PSMD9: variants seen among roughly 807,000 people sequenced by gnomAD.
PSMD9 encodes 26S proteasome non-ATPase regulatory subunit 9.
In PSMD9, 26 loss-of-function variants were observed where a neutral mutation model predicts 25.9. The observed-to-expected ratio is 1.00, with a 90% CI of 0.73 to 1.39. The LOEUF (loss-of-function observed/expected upper bound fraction) is 1.39, where lower values mean the gene tolerates loss of function less well. PSMD9 is among the 40% of genes most tolerant of loss of function. The pLI is 0.00. For synonymous variants in PSMD9, 110 were observed against 114.5 expected (o/e 0.96, Z 0.25); for missense variants, 303 against 299.3 (o/e 1.01, Z -0.09).
At chr12:121,910,433 T>C (rs982593217) in intron 4 of PSMD9, among the ~76,000 whole-genome samples, 3 of 151,812 alleles carry the variant, frequency 2.0e-5, no homozygotes, top group African/African-American at 4.8e-5. Flanking sequence ...ACCTGACATA[T>C]TTATTTTTTT....
chr12:121,911,994 G>A (rs1879736382), intron 4 of PSMD9, among the ~76,000 whole-genome samples: 1 of 149,428 alleles, frequency 6.7e-6, no homozygotes, highest in African/African-American at 2.5e-5. Flanking sequence ...CCAGGTTTCT[G>A]GAATGAGCTT....
rs781519268 is a variant in PSMD9 at position 121,915,888 on chromosome 12, G to A, written c.588G>A (p.Gly196=). 7 of 1,613,812 alleles carry A rather than the reference G, an allele frequency of 4.3e-6. No individual in the cohort carries two copies. In the South Asian group the frequency reaches 6.6e-5, roughly 15 times the overall value. The change falls in exon 5 of 6, where the codon GGG becomes GGA. Residue 196 remains glycine, a synonymous_variant. Transcript: ENST00000541212. ...KPLNVTVIRR[G]EKHQLRLVPT... is the part of the protein sequence containing the mutation. Reference sequence around the variant, plus strand: ...TGAATGTGACAGTGATCCGCAGGGGGGAAAAACACCAGCTTAGACTTGTTC... The same window carrying A: ...TGAATGTGACAGTGATCCGCAGGGGAGAAAAACACCAGCTTAGACTTGTTC...
At chr12:121,911,871 T>G (rs1879733439) in intron 4 of PSMD9, among the ~76,000 whole-genome samples, 1 of 151,936 alleles carries the variant, frequency 6.6e-6, no homozygotes, top group Admixed American at 6.6e-5. Flanking sequence ...CAGGCTCGCC[T>G]CGAACTCCTG....
intron 4 of PSMD9, among the ~76,000 whole-genome samples, chr12:121,910,004 G>A (rs1565895112): frequency 1.3e-5 from 2 of 150,526 alleles, no homozygotes; most frequent in South Asian, 2.1e-4. Context: ...CTGTGAGTGC[G>A]TCTGTTTCTA....
At chr12:121,912,939 CT>C (rs199915628) in intron 4 of PSMD9, among the ~76,000 whole-genome samples, 5,469 of 129,228 alleles carry the variant, frequency 0.042, 255 homozygotes, top group African/African-American at 0.14. Context: ...CTTTTCTTTT[CT>C]TTTTTTTTTT....
chr12:121,896,242 G>T (rs1389471317), intron 2 of PSMD9, among the ~76,000 whole-genome samples: 1 of 152,110 alleles, frequency 6.6e-6, no homozygotes, highest in Non-Finnish European at 1.5e-5. Flanking sequence ...AGCCAAGGCG[G>T]GCAGATCACC....
intron 4 of PSMD9, among the ~76,000 whole-genome samples, chr12:121,907,148 C>A (rs1879584702): frequency 6.6e-6 from 1 of 151,954 alleles, no homozygotes; most frequent in South Asian, 2.1e-4. Context: ...CAGCTCACTG[C>A]AACCTCCGCC....
intron 1 of PSMD9, among the ~76,000 whole-genome samples, chr12:121,891,141 T>A (rs552708861): frequency 2.0e-5 from 3 of 147,926 alleles, no homozygotes; most frequent in African/African-American, 7.4e-5. Context: ...AAAATTTTTT[T>A]AAAAATTAGT....
chr12:121,905,151 T>A (rs1879516207), intron 4 of PSMD9, among the ~76,000 whole-genome samples: 1 of 151,860 alleles, frequency 6.6e-6, no homozygotes, highest in African/African-American at 2.4e-5. Context: ...TTTTATTTTA[T>A]TAAGGTGTAA....
At chr12:121,901,488 G>A (rs1237818488) in intron 3 of PSMD9, among the ~76,000 whole-genome samples, 1 of 151,694 alleles carries the variant, frequency 6.6e-6, no homozygotes, top group Non-Finnish European at 1.5e-5. Context: ...AGCTAGGACT[G>A]TAGGCACATG....
chr12:121,899,757 G>T lies in PSMD9; in HGVS notation c.365G>T (p.Arg122Leu), dbSNP rs145938110. The change falls in exon 3 of 6, where the codon CGC (arginine) becomes CTC (leucine). Residue 122 changes from arginine (R) to leucine (L), a missense_variant. Coordinates refer to ENST00000541212, the MANE Select transcript of PSMD9 (RefSeq NM_002813.7). ...MAEAHKEAMSRKLGQSESQGP... is the reference protein window; with the variant it reads ...MAEAHKEAMSLKLGQSESQGP... ...GAGGCCCACAAAGAGGCCATGAGCC[G>T]CAAACTGGGTCAGAGTGAGAGCCAG... 4.3e-6 allele frequency: 7 copies of T among 1,613,964 alleles called. No homozygotes were observed. The Admixed American group carries it at 8.3e-5, about 19-fold the overall frequency.
chr12:121,901,738 C>T (rs555690490), intron 3 of PSMD9, among the ~76,000 whole-genome samples: 16 of 136,020 alleles, frequency 1.2e-4, no homozygotes, highest in East Asian at 2.3e-4. Context: ...TGCAGTGGCA[C>T]GATCTCGGCT....
chr12:121,899,336 C>G (rs1366093810), intron 2 of PSMD9: 1 of 389,058 alleles, frequency 2.6e-6, no homozygotes, highest in Non-Finnish European at 4.8e-6. Context: ...TCACCCGAGA[C>G]AGCACTGCCT....
intron 1 of PSMD9, among the ~76,000 whole-genome samples, chr12:121,891,967 A>G (rs1446648563): frequency 1.3e-5 from 2 of 151,458 alleles, no homozygotes; most frequent in Non-Finnish European, 2.9e-5. Flanking sequence ...AATAAAGCAT[A>G]GGAGTAAATC....
chr12:121,894,723 C>G lies in PSMD9; in HGVS notation c.139-16C>G. 6.2e-7 allele frequency: 1 copy of G among 1,611,614 alleles called. No individual in the cohort carries two copies. Among genetic ancestry groups the G allele is most frequent in the South Asian group, 1.1e-5 (1 of 90,990 alleles). On this transcript the variant is annotated splice_polypyrimidine_tract_variant and intron_variant, in intron 1 of 5. Coordinates refer to ENST00000541212, the MANE Select transcript of PSMD9 (RefSeq NM_002813.7). ...TACACCCATGAGCACCTTTTAACCA[C>G]GTTTCTTTCCTCCAGCAAAAAGGCA...
chr12:121,906,043 T>G lies in PSMD9; in HGVS notation c.555+2936T>G, dbSNP rs75851681. On this transcript the variant is annotated intron_variant, in intron 4 of 5. Transcript: ENST00000541212. ...TCAGCCCAGTGGATTCTGAGACTTCTGTCTGTTGTGTGGATCTGTGAGAAG... is the reference window on the plus strand; with the variant it reads ...TCAGCCCAGTGGATTCTGAGACTTCGGTCTGTTGTGTGGATCTGTGAGAAG... 1.6e-3 allele frequency among the ~76,000 whole-genome samples: 238 copies of G among 152,308 alleles called. 1 individual carries two copies. Among genetic ancestry groups the G allele is most frequent in the Admixed American group, 2.6e-3 (40 of 15,278 alleles).
At chr12:121,915,729 C>T in intron 4 of PSMD9, 127 bp from the exon 5 acceptor site, 1 of 866,484 alleles carries the variant, frequency 1.2e-6, no homozygotes, top group South Asian at 1.7e-5. Context: ...TCTCGCCAAC[C>T]ACAGGATTAT....
chr12:121,910,335 T>C (rs1879682771), intron 4 of PSMD9, among the ~76,000 whole-genome samples: 4 of 151,766 alleles, frequency 2.6e-5, no homozygotes, highest in Non-Finnish European at 5.9e-5. Context: ...CCGCCTGCCT[T>C]GGCCTCCCAA....
intron 2 of PSMD9, 109 bp downstream of exon 2, chr12:121,894,950 A>G (rs1262165370): frequency 1.0e-6 from 1 of 956,974 alleles, no homozygotes; most frequent in Admixed American, 2.1e-5. Context: ...TTCTGCCTTG[A>G]TGGGATTGTC....
Sources: allele counts gnomAD v4.1 joint callset (sites outside exome capture counted in the v4.1 genomes callset), GRCh38; gene constraint gnomAD v4.1.1; transcripts MANE v1.5; gene names NCBI Gene and HGNC (gene_info 2026-07-23, HGNC 2026-07-21).